Variants in CDC27 observed in about 807,000 individuals in gnomAD.
CDC27 encodes the protein cell division cycle protein 27 homolog.
In CDC27, 27 loss-of-function variants were observed where a neutral mutation model predicts 109.7. The observed-to-expected ratio is 0.25, with a 90% confidence interval of 0.18 to 0.34. The LOEUF is 0.34. CDC27 is among the 10% of genes least tolerant of loss of function. The probability of loss-of-function intolerance (pLI) is 1.00; values close to 1 mark genes in which losing one functional copy is unlikely to be tolerated. For missense variants in CDC27, 579 were observed against 960.2 expected, an observed-to-expected ratio of 0.60 and a Z score of 5.25; for synonymous variants, 266 against 333.9, an observed-to-expected ratio of 0.80 and a Z score of 2.22.
At chr17:47,156,615 T>G (rs1325990721) in intron 7 of CDC27, 2 of 178,448 alleles carry the variant, frequency 1.1e-5, no homozygotes, top group Admixed American at 6.2e-5. Flanking sequence ...GCCCAGCTAA[T>G]TTTTGTATTT....
At chr17:47,122,942 C>T (rs541395812) in intron 17 of CDC27, among the ~76,000 whole-genome samples, 40 of 152,280 alleles carry the variant, frequency 2.6e-4, no homozygotes, top group African/African-American at 9.4e-4. Context: ...GCTGGGATTA[C>T]AGGTGTGAGC....
At chr17:47,150,499 A>T (rs1347170559) in intron 9 of CDC27, among the ~76,000 whole-genome samples, 1 of 152,172 alleles carries the variant, frequency 6.6e-6, no homozygotes, top group African/African-American at 2.4e-5. Context: ...GCTAAAGAAC[A>T]CCTGGGGTTA....
chr17:47,186,908 G>GT (rs531224184), intron 1 of CDC27, among the ~76,000 whole-genome samples: 39 of 148,874 alleles, frequency 2.6e-4, no homozygotes, highest in East Asian at 5.9e-4. Flanking sequence ...TGTCATCATA[G>GT]TTTTTTTTTT....
At chr17:47,135,778 T>C (rs1180393448) in intron 14 of CDC27, among the ~76,000 whole-genome samples, 1 of 148,850 alleles carries the variant, frequency 6.7e-6, no homozygotes, top group Non-Finnish European at 1.5e-5. Flanking sequence ...ACAATACACA[T>C]TTAAAAAAAA....
intron 4 of CDC27, among the ~76,000 whole-genome samples, chr17:47,165,471 C>G (rs2063616169): frequency 6.6e-6 from 1 of 152,170 alleles, no homozygotes. Flanking sequence ...TCCATATACT[C>G]TCTTTGGTGA....
chr17:47,180,594 C>A (rs1247836050), intron 2 of CDC27, among the ~76,000 whole-genome samples: 2 of 149,894 alleles, frequency 1.3e-5, no homozygotes, highest in African/African-American at 2.5e-5. Flanking sequence ...AGTACATAAC[C>A]CAAGGAAATG....
intron 13 of CDC27, 102 bp downstream of exon 13, chr17:47,138,637 C>A (rs11570538): frequency 7.0e-5 from 53 of 753,334 alleles, no homozygotes; most frequent in Non-Finnish European, 1.1e-4. Context: ...AAGAAATAAG[C>A]GTGGGTGACA....
intron 4 of CDC27, among the ~76,000 whole-genome samples, chr17:47,165,715 T>C (rs1159293200): frequency 6.6e-6 from 1 of 152,230 alleles, no homozygotes; most frequent in Non-Finnish European, 1.5e-5. Flanking sequence ...TTGGGTGTTA[T>C]GTTTAAGAAG....
chr17:47,185,160 T>G (rs959799402), intron 1 of CDC27, among the ~76,000 whole-genome samples: 17 of 152,280 alleles, frequency 1.1e-4, no homozygotes, highest in African/African-American at 3.8e-4. Flanking sequence ...GTACTTAGAC[T>G]TAAATGTAAT....
chr17:47,123,501 C>CAG (rs2062040796), intron 17 of CDC27, among the ~76,000 whole-genome samples: 2 of 151,114 alleles, frequency 1.3e-5, no homozygotes, highest in Non-Finnish European at 2.9e-5. Context: ...ACCTCTGCCT[C>CAG]CCAGGTTCAA....
intron 9 of CDC27, among the ~76,000 whole-genome samples, chr17:47,144,458 A>C (rs1037843704): frequency 6.6e-6 from 1 of 152,236 alleles, no homozygotes; most frequent in African/African-American, 2.4e-5. Flanking sequence ...AGAAAAAAGA[A>C]AAGACAGTTG....
Position 47,141,838 on chromosome 17 carries a change from A to G in CDC27, c.1551+15T>C, listed in dbSNP as rs760865257. On this transcript the variant is annotated intron_variant, in intron 12 of 18. Transcript: ENST00000066544. Reference sequence around the variant, plus strand: ...TATCTCTAGAAAGGCATATATAACCATTTTCTATACTTACTTGCATGTACT... The same window carrying G: ...TATCTCTAGAAAGGCATATATAACCGTTTTCTATACTTACTTGCATGTACT... The G allele has an allele frequency of 6.5e-7, 1 of 1,536,348 alleles. No individual in the cohort carries two copies. Among genetic ancestry groups the G allele is most frequent in the Non-Finnish European group, 8.8e-7 (1 of 1,140,446 alleles).
At chr17:47,146,440 A>G (rs1414402152) in intron 9 of CDC27, among the ~76,000 whole-genome samples, 2 of 152,234 alleles carry the variant, frequency 1.3e-5, no homozygotes, top group Non-Finnish European at 2.9e-5. Flanking sequence ...TTATAGTACT[A>G]TAGTGAAGAA....
chr17:47,135,545 A>C (rs548695905), intron 14 of CDC27, among the ~76,000 whole-genome samples: 1 of 152,316 alleles, frequency 6.6e-6, no homozygotes, highest in African/African-American at 2.4e-5. Context: ...TAGATGAAGA[A>C]AAGGTATTAA....
chr17:47,189,223 G>A lies in CDC27; in HGVS notation c.-51C>T, dbSNP rs765637700. The A allele has an allele frequency of 4.7e-6, 7 of 1,491,702 alleles. No individual in the cohort carries two copies. Among genetic ancestry groups the A allele is most frequent in the African/African-American group, 2.8e-5 (2 of 72,660 alleles). 92.4% of individuals were successfully genotyped at this position (1,491,702 alleles called of 1,614,324 possible). On this transcript the variant is annotated 5_prime_UTR_variant, in exon 1 of 19. Coordinates refer to ENST00000066544, the MANE Select transcript of CDC27 (RefSeq NM_001256.6). ...CAGTGCCTCAGGCCCCCCCTGTAGC[G>A]GCTCCGGCCCGGCCAGCCCCTGCTC...
intron 9 of CDC27, among the ~76,000 whole-genome samples, chr17:47,146,540 C>G (rs1394138135): frequency 1.3e-5 from 2 of 152,176 alleles, no homozygotes; most frequent in Non-Finnish European, 2.9e-5. Context: ...CTCATACTTT[C>G]AATAGGCAGA....
intron 13 of CDC27, 68 bp from the exon 14 acceptor site, chr17:47,137,428 C>A: frequency 2.2e-6 from 2 of 889,888 alleles, no homozygotes; most frequent in South Asian, 2.4e-5. Flanking sequence ...AAATCTATGA[C>A]TAAAATCAAG....
intron 1 of CDC27, among the ~76,000 whole-genome samples, chr17:47,182,239 G>A (rs560541542): frequency 6.6e-6 from 1 of 152,288 alleles, no homozygotes; most frequent in East Asian, 1.9e-4. Flanking sequence ...GAATGCAAAT[G>A]AGTAAAGTTA....
intron 16 of CDC27, among the ~76,000 whole-genome samples, chr17:47,124,323 G>T (rs1030894187): frequency 6.6e-6 from 1 of 151,180 alleles, no homozygotes; most frequent in Non-Finnish European, 1.5e-5. Context: ...TCGCTCTGTC[G>T]CCCAGGCTGG....
Sources: allele counts gnomAD v4.1 joint callset (sites outside exome capture counted in the v4.1 genomes callset), GRCh38; gene constraint gnomAD v4.1.1; transcripts MANE v1.5; gene names NCBI Gene and HGNC (gene_info 2026-07-23, HGNC 2026-07-21).